Variants in TAFA1 observed in about 807,000 individuals in gnomAD.
TAFA1 encodes TAFA chemokine like family member 1.
TAFA1 carries 4 observed loss-of-function variants against 18.5 expected under a neutral mutation model. The ratio of observed to expected loss-of-function variants is 0.22; its 90% confidence interval spans 0.11 to 0.49. TAFA1 has a LOEUF of 0.49. Among genes scored for constraint, TAFA1 ranks in the 20% least tolerant of loss-of-function variants. The probability of loss-of-function intolerance (pLI) is 0.98; values close to 1 mark genes in which losing one functional copy is unlikely to be tolerated. For missense variants in TAFA1, 147 were observed against 169.0 expected (o/e 0.87, Z 0.72); for synonymous variants, 56 against 55.2 (o/e 1.01, Z -0.06).
intron 2 of TAFA1, among the ~76,000 whole-genome samples, chr3:68,136,047 G>C (rs140654406): frequency 6.6e-6 from 1 of 152,034 alleles, no homozygotes; most frequent in Non-Finnish European, 1.5e-5. Flanking sequence ...TTCTGATTTT[G>C]ACTCATAGCT....
Position 68,026,862 on chromosome 3 carries a change from T to A in TAFA1, c.118+20118T>A, listed in dbSNP as rs759803707. Among the ~76,000 whole-genome samples, 31 of 152,282 alleles carry A rather than the reference T, an allele frequency of 2.0e-4. No individual in the cohort carries two copies. In the South Asian group the frequency reaches 2.1e-3, roughly 10 times the overall value. On this transcript the variant is annotated intron_variant, in intron 2 of 4. Coordinates refer to ENST00000478136, the MANE Select transcript of TAFA1 (RefSeq NM_213609.4). The stretch of plus-strand genomic sequence containing the variant: ...AATATCTGAGCCTGGATAATTTATA[T>A]AGGAAAGAGTTTTAATTGGTTCAGG...
chr3:68,422,487 G>A lies in TAFA1; in HGVS notation c.259+5067G>A, dbSNP rs79696026. On this transcript the variant is annotated intron_variant, in intron 3 of 4. Coordinates refer to ENST00000478136, the MANE Select transcript of TAFA1 (RefSeq NM_213609.4). ...CTTCCTCTGAAATTTCAGGTCAGTT[G>A]CCTTTTACAGTGTTTTCAAAAACAA... Among the ~76,000 whole-genome samples, 298 of 152,150 alleles carry A rather than the reference G, an allele frequency of 2.0e-3. 4 individuals are homozygous for A. The highest frequency in any genetic ancestry group is 6.9e-3 in the African/African-American group (285 of 41,528).
chr3:68,009,959 T>C (rs1273896123), intron 2 of TAFA1, among the ~76,000 whole-genome samples: 1 of 152,116 alleles, frequency 6.6e-6, no homozygotes, highest in Non-Finnish European at 1.5e-5. Context: ...AGGAAAAACA[T>C]AATCTCATTT....
chr3:68,287,899 GT>G (rs1229291765), intron 2 of TAFA1, among the ~76,000 whole-genome samples: 2 of 61,768 alleles, frequency 3.2e-5, no homozygotes, highest in Non-Finnish European at 7.0e-5. Flanking sequence ...TTTGCTTTTT[GT>G]TTTTGTTGGG....
At chr3:68,369,246 T>G (rs2069633319) in intron 2 of TAFA1, among the ~76,000 whole-genome samples, 1 of 152,198 alleles carries the variant, frequency 6.6e-6, no homozygotes, top group Non-Finnish European at 1.5e-5. Context: ...TGTTTTATAA[T>G]GAAAGGCTAA....
chr3:68,343,001 C>T (rs768363427), intron 2 of TAFA1, among the ~76,000 whole-genome samples: 1 of 152,092 alleles, frequency 6.6e-6, no homozygotes, highest in Non-Finnish European at 1.5e-5. Context: ...GGTTTAGTTG[C>T]TTTAACAAAG....
intron 2 of TAFA1, among the ~76,000 whole-genome samples, chr3:68,414,120 C>A (rs1309122196): frequency 1.3e-5 from 2 of 152,124 alleles, no homozygotes; most frequent in Non-Finnish European, 2.9e-5. Flanking sequence ...TCCTGACCAA[C>A]ATGGAGAAAC....
chr3:68,318,298 C>G (rs1322276201), intron 2 of TAFA1, among the ~76,000 whole-genome samples: 2 of 152,152 alleles, frequency 1.3e-5, no homozygotes, highest in African/African-American at 2.4e-5. Context: ...TCCTGGCTAT[C>G]AAGGATGGCC....
At chr3:68,311,216 T>C (rs79631547) in intron 2 of TAFA1, among the ~76,000 whole-genome samples, 3,936 of 152,190 alleles carry the variant, frequency 0.026, 87 homozygotes, top group East Asian at 0.098. Context: ...GTCCCTCCCA[T>C]AAAACGTGGG....
At chr3:68,487,351 TTTC>T (rs1360016123) in intron 3 of TAFA1, among the ~76,000 whole-genome samples, 1 of 152,202 alleles carries the variant, frequency 6.6e-6, no homozygotes, top group African/African-American at 2.4e-5. Context: ...AAGTTCATCA[TTTC>T]TTAATTTTTC....
chr3:68,422,952 C>T (rs951091103), intron 3 of TAFA1, among the ~76,000 whole-genome samples: 13 of 151,732 alleles, frequency 8.6e-5, no homozygotes, highest in African/African-American at 2.7e-4. Flanking sequence ...AAGTTCTTCT[C>T]GGGGACTAAA....
At chr3:68,419,836 C>T (rs146850257) in intron 3 of TAFA1, among the ~76,000 whole-genome samples, 24 of 152,262 alleles carry the variant, frequency 1.6e-4, no homozygotes, top group East Asian at 9.7e-4. Context: ...ATAAAGGAAT[C>T]GCGGTGAACC....
At chr3:68,295,991 T>C (rs1312128607) in intron 2 of TAFA1, among the ~76,000 whole-genome samples, 4 of 151,910 alleles carry the variant, frequency 2.6e-5, no homozygotes, top group Non-Finnish European at 5.9e-5. Context: ...AACAAAATCA[T>C]GTTATATAAG....
chr3:68,451,333 T>C (rs2071563686), intron 3 of TAFA1, among the ~76,000 whole-genome samples: 1 of 152,136 alleles, frequency 6.6e-6, no homozygotes, highest in Admixed American at 6.6e-5. Context: ...GAAATATTCA[T>C]TATGAGAGCA....
intron 2 of TAFA1, among the ~76,000 whole-genome samples, chr3:68,175,039 C>A (rs1248401219): frequency 6.6e-6 from 1 of 152,202 alleles, no homozygotes; most frequent in Non-Finnish European, 1.5e-5. Context: ...CAGGGGATGC[C>A]AGCTTCAAGC....
At chr3:68,134,355 G>A (rs1171298356) in intron 2 of TAFA1, among the ~76,000 whole-genome samples, 1 of 149,226 alleles carries the variant, frequency 6.7e-6, no homozygotes, top group Non-Finnish European at 1.5e-5. Flanking sequence ...AGTACTGAGT[G>A]CGTGTGTGTG....
intron 3 of TAFA1, among the ~76,000 whole-genome samples, chr3:68,504,602 C>T (rs2072716277): frequency 6.6e-6 from 1 of 152,154 alleles, no homozygotes; most frequent in East Asian, 1.9e-4. Flanking sequence ...CAAGTGTCCT[C>T]ATATCTGACT....
intron 2 of TAFA1, among the ~76,000 whole-genome samples, chr3:68,403,796 C>T (rs914973772): frequency 2.6e-5 from 4 of 152,166 alleles, no homozygotes; most frequent in Admixed American, 2.6e-4. Context: ...GCTGCCACAC[C>T]AGCAGGAAGA....
At chr3:68,258,686 T>C (rs924086254) in intron 2 of TAFA1, among the ~76,000 whole-genome samples, 3 of 152,170 alleles carry the variant, frequency 2.0e-5, no homozygotes, top group African/African-American at 7.2e-5. Flanking sequence ...ATAACAAATA[T>C]ACCAATTTAT....
Sources: gnomAD v4.1 joint callset for allele counts (sites outside exome capture counted in the v4.1 genomes callset) on GRCh38, gnomAD v4.1.1 for gene constraint, MANE v1.5 for transcripts, NCBI Gene and HGNC (gene_info 2026-07-23, HGNC 2026-07-21) for gene names.